GABRR2: variants seen among roughly 807,000 people sequenced by gnomAD.
GABRR2 encodes the protein gamma-aminobutyric acid type A receptor subunit rho2, also known as gamma-aminobutyric acid receptor subunit rho-2.
In GABRR2, 36 loss-of-function variants were observed where a neutral mutation model predicts 47.0. The observed-to-expected ratio is 0.77, with a 90% confidence interval of 0.59 to 1.01. GABRR2 has a LOEUF of 1.01. Among genes scored for constraint, GABRR2 ranks in the 50% least tolerant of loss-of-function variants. The probability of loss-of-function intolerance (pLI) is 0.00; values close to 1 mark genes in which losing one functional copy is unlikely to be tolerated. For synonymous variants in GABRR2, 204 were observed against 227.5 expected (o/e 0.90, Z 0.93); for missense variants, 587 against 594.6 (o/e 0.99, Z 0.13).
chr6:89,283,009 G>A (rs1774276565), intron 2 of GABRR2, among the ~76,000 whole-genome samples: 1 of 152,246 alleles, frequency 6.6e-6, no homozygotes, highest in African/African-American at 2.4e-5. Context: ...TCAAAGCCCA[G>A]AGACTTTCAT....
intron 1 of GABRR2, among the ~76,000 whole-genome samples, chr6:89,314,018 G>C (rs1767720288): frequency 9.2e-6 from 1 of 108,770 alleles, no homozygotes; most frequent in Non-Finnish European, 2.1e-5. Context: ...TTTATATTCA[G>C]GGTTTTTTTT....
rs1275382879 is a variant in GABRR2, at chr6:89,292,345, T to TA, written c.220+7413_220+7414insT. On this transcript the variant is annotated intron_variant, in intron 2 of 8. Transcript: ENST00000402938. ...GCATGGTGGTTTCTCAAAAAAAAAT[T>TA]TTATATATATATATATATATATATA... is the stretch of plus-strand genomic sequence containing the variant. Among the ~76,000 whole-genome samples the TA allele has an allele frequency of 2.0e-3, 57 of 28,120 alleles. 6 individuals carry two copies. Among genetic ancestry groups the TA allele is most frequent in the South Asian group, 4.7e-3 (4 of 856 alleles). 18.4% of individuals were successfully genotyped at this position (28,120 alleles called of 152,430 possible).
chr6:89,278,422 G>A (rs1477556712), intron 2 of GABRR2, among the ~76,000 whole-genome samples: 1 of 152,154 alleles, frequency 6.6e-6, no homozygotes, highest in African/African-American at 2.4e-5. Flanking sequence ...CTCAATGTGT[G>A]TTATAGCTCA....
chr6:89,299,025 C>T (rs7742664), intron 2 of GABRR2, among the ~76,000 whole-genome samples: 41,155 of 151,990 alleles, frequency 0.27, 5,814 homozygotes, highest in East Asian at 0.37. Context: ...ATGAGAAATA[C>T]GTTTCCATTG....
At chr6:89,288,569 A>T (rs1774373744) in intron 2 of GABRR2, among the ~76,000 whole-genome samples, 1 of 152,196 alleles carries the variant, frequency 6.6e-6, no homozygotes, top group Non-Finnish European at 1.5e-5. Flanking sequence ...CAAATACATA[A>T]ATGCCTGTTA....
At chr6:89,283,063 C>A (rs1774277299) in intron 2 of GABRR2, among the ~76,000 whole-genome samples, 1 of 152,182 alleles carries the variant, frequency 6.6e-6, no homozygotes, top group South Asian at 2.1e-4. Context: ...GTATAAAGTT[C>A]TTTCTCAGTG....
intron 1 of GABRR2, chr6:89,302,281 C>A: frequency 1.8e-6 from 1 of 565,342 alleles, no homozygotes; most frequent in Non-Finnish European, 3.6e-6. Flanking sequence ...ACACCTTCAG[C>A]GTAGTGCCCT....
chr6:89,287,097 C>T (rs888061244), intron 2 of GABRR2, among the ~76,000 whole-genome samples: 1 of 152,206 alleles, frequency 6.6e-6, no homozygotes, highest in Non-Finnish European at 1.5e-5. Flanking sequence ...TCTGAGTCGG[C>T]TCCGTGAGCC....
chr6:89,285,361 ACT>A (rs1270646848), intron 2 of GABRR2, among the ~76,000 whole-genome samples: 1 of 151,898 alleles, frequency 6.6e-6, no homozygotes, highest in Non-Finnish European at 1.5e-5. Context: ...GTTGGCAATG[ACT>A]CTTTTTCCCT....
rs1767743029 is a variant in GABRR2 at position 89,315,257 on chromosome 6, T to C, written c.-92A>G. On this transcript the variant is annotated 5_prime_UTR_variant, in exon 1 of 9. Coordinates refer to ENST00000402938, the MANE Select transcript of GABRR2 (RefSeq NM_002043.5). ...CTTGACCATTGATCCATCTGCTGCC[T>C]CCTGACGGGCTGCTCTGAGGGGCTG... The C allele has an allele frequency of 6.3e-7, 1 of 1,597,708 alleles. No individual in the cohort carries two copies. The highest frequency in any genetic ancestry group is 1.3e-5 in the African/African-American group (1 of 74,550).
chr6:89,294,716 G>T (rs1378684466), intron 2 of GABRR2, among the ~76,000 whole-genome samples: 3 of 150,788 alleles, frequency 2.0e-5, no homozygotes, highest in Non-Finnish European at 4.4e-5. Flanking sequence ...ATGTATACAT[G>T]TGCCATGTTG....
At chr6:89,292,706 G>C (rs1231664738) in intron 2 of GABRR2, among the ~76,000 whole-genome samples, 1 of 140,742 alleles carries the variant, frequency 7.1e-6, no homozygotes, top group Non-Finnish European at 1.5e-5. Context: ...TCGTATCTCT[G>C]ATATATATCA....
rs184662551 is a variant in GABRR2 at position 89,277,677 on chromosome 6, C to T, written c.221-5955G>A. On this transcript the variant is annotated intron_variant, in intron 2 of 8. Coordinates refer to ENST00000402938, the MANE Select transcript of GABRR2 (RefSeq NM_002043.5). ...AAAAAAGAAAAGAAAATAATTACTA[C>T]TACCACAACAACAAAAATGATAAAC... 3.4e-3 allele frequency among the ~76,000 whole-genome samples: 513 copies of T among 151,952 alleles called. 3 individuals are homozygous for T. Among genetic ancestry groups the T allele is most frequent in the Non-Finnish European group, 3.6e-3 (244 of 67,986 alleles).
chr6:89,285,560 G>A (rs1056461416), intron 2 of GABRR2, among the ~76,000 whole-genome samples: 14 of 152,208 alleles, frequency 9.2e-5, no homozygotes, highest in African/African-American at 3.1e-4. Flanking sequence ...GGCACTTAGA[G>A]ATGCAAATTC....
chr6:89,255,053 A>C lies in GABRR2; in HGVS notation c.*2617T>G, dbSNP rs957153263. ...AGCAGAGAAGGGTTGGAATTAAATA[A>C]GACTTACAAGCAAAGCAATATGATA... On this transcript the variant is annotated 3_prime_UTR_variant, in exon 9 of 9. Transcript: ENST00000402938. Among the ~76,000 whole-genome samples, 2 of 152,256 alleles carry C rather than the reference A, an allele frequency of 1.3e-5. No homozygotes were observed. The highest frequency in any genetic ancestry group is 2.9e-5 in the Non-Finnish European group (2 of 68,044).
In GABRR2 at chr6:89,257,486, C is replaced by T. The variant is rs77466577; in HGVS notation, c.*184G>A. Reference sequence around the variant, plus strand: ...ACAGCATGAACATGGAGCAGCCCCACGGGGTCTGGGGTCAGGGCAGCTGGA... The same window carrying T: ...ACAGCATGAACATGGAGCAGCCCCATGGGGTCTGGGGTCAGGGCAGCTGGA... On this transcript the variant is annotated 3_prime_UTR_variant, in exon 9 of 9. Coordinates refer to ENST00000402938, the MANE Select transcript of GABRR2 (RefSeq NM_002043.5). The T allele has an allele frequency of 4.6e-3, 2,775 of 598,724 alleles. 40 individuals are homozygous for T. Among genetic ancestry groups the T allele is most frequent in the African/African-American group, 0.018 (950 of 53,940 alleles). 37.1% of individuals were successfully genotyped at this position (598,724 alleles called of 1,614,324 possible). A position where few individuals can be genotyped will look rare whatever the true frequency, so the allele number is the denominator to read the frequency against.
At chr6:89,287,964 T>C (rs1005519533) in intron 2 of GABRR2, among the ~76,000 whole-genome samples, 6 of 152,194 alleles carry the variant, frequency 3.9e-5, no homozygotes, top group Non-Finnish European at 8.8e-5. Flanking sequence ...CTCAAGAACA[T>C]GCCTGAGGCC....
chr6:89,287,166 A>G (rs1336212020), intron 2 of GABRR2, among the ~76,000 whole-genome samples: 1 of 152,164 alleles, frequency 6.6e-6, no homozygotes, highest in African/African-American at 2.4e-5. Context: ...TGTGACTTGT[A>G]GTCCAGGGGT....
At chr6:89,277,140 G>A (rs1774174863) in intron 2 of GABRR2, among the ~76,000 whole-genome samples, 1 of 152,146 alleles carries the variant, frequency 6.6e-6, no homozygotes, top group Non-Finnish European at 1.5e-5. Flanking sequence ...ACTGAATCAT[G>A]GGGGGTGGTT....
Sources: allele counts gnomAD v4.1 joint callset (sites outside exome capture counted in the v4.1 genomes callset), GRCh38; gene constraint gnomAD v4.1.1; transcripts MANE v1.5; gene names NCBI Gene and HGNC (gene_info 2026-07-23, HGNC 2026-07-21).